GPM6A: variants seen among roughly 807,000 people sequenced by gnomAD.
The protein encoded by GPM6A is glycoprotein M6A.
In GPM6A, 7 loss-of-function variants were observed where a neutral mutation model predicts 32.1. The ratio of observed to expected loss-of-function variants is 0.22; its 90% confidence interval spans 0.12 to 0.41. The LOEUF (loss-of-function observed/expected upper bound fraction) is 0.41, where lower values mean the gene tolerates loss of function less well. Ranked by LOEUF, GPM6A falls within the 10% of genes least tolerant of loss-of-function variation. The probability of loss-of-function intolerance (pLI) is 1.00; values close to 1 mark genes in which losing one functional copy is unlikely to be tolerated. For missense variants in GPM6A, 235 were observed against 347.2 expected (o/e 0.68, Z 2.57); for synonymous variants, 130 against 123.4 (o/e 1.05, Z -0.35).
intron 1 of GPM6A, among the ~76,000 whole-genome samples, chr4:175,826,959 A>C (rs543796357): frequency 1.7e-4 from 26 of 152,314 alleles, no homozygotes; most frequent in Admixed American, 5.2e-4. Flanking sequence ...ACTTCCTCAA[A>C]TACAGAATGA....
At chr4:175,751,213 T>C (rs1446933498) in intron 1 of GPM6A, among the ~76,000 whole-genome samples, 1 of 152,120 alleles carries the variant, frequency 6.6e-6, no homozygotes, top group Non-Finnish European at 1.5e-5. Context: ...TAGCATTTAG[T>C]ATCATAGAGA....
intron 1 of GPM6A, among the ~76,000 whole-genome samples, chr4:175,857,496 C>A (rs1460884490): frequency 2.6e-5 from 4 of 151,892 alleles, no homozygotes; most frequent in Non-Finnish European, 5.9e-5. Context: ...GCATAAAAAT[C>A]AATTAAAAAC....
chr4:175,798,622 T>C (rs1560938946), intron 1 of GPM6A: 1 of 152,206 alleles, frequency 6.6e-6, no homozygotes, highest in Admixed American at 6.5e-5. Flanking sequence ...ACTTTCTAAT[T>C]ATTATATTTC....
At chr4:175,957,143 T>A (rs2126391246) in intron 1 of GPM6A, among the ~76,000 whole-genome samples, 1 of 152,294 alleles carries the variant, frequency 6.6e-6, no homozygotes, top group East Asian at 1.9e-4. Context: ...TGCTCAGGCT[T>A]AAAAGCAGGC....
chr4:175,750,290 T>C (rs1732278447), intron 1 of GPM6A, among the ~76,000 whole-genome samples: 1 of 152,122 alleles, frequency 6.6e-6, no homozygotes. Context: ...ACTCTTGACC[T>C]CAGGTGATCC....
chr4:175,970,628 A>C (rs1740472585), intron 1 of GPM6A, among the ~76,000 whole-genome samples: 1 of 152,204 alleles, frequency 6.6e-6, no homozygotes, highest in African/African-American at 2.4e-5. Flanking sequence ...TTAAAGGGTC[A>C]TATGCAGGGT....
chr4:175,746,224 G>C (rs993572130), intron 1 of GPM6A, among the ~76,000 whole-genome samples: 2 of 152,018 alleles, frequency 1.3e-5, no homozygotes, highest in African/African-American at 4.8e-5. Context: ...GAGAGAATTA[G>C]TATGTGATGG....
chr4:175,831,814 G>C (rs1735624656), intron 1 of GPM6A, among the ~76,000 whole-genome samples: 1 of 137,258 alleles, frequency 7.3e-6, no homozygotes, highest in East Asian at 2.3e-4. Context: ...CTCCTCCTGG[G>C]TTCAAGTGAT....
chr4:175,777,325 C>T (rs938081768), intron 1 of GPM6A, among the ~76,000 whole-genome samples: 2 of 152,138 alleles, frequency 1.3e-5, no homozygotes, highest in African/African-American at 2.4e-5. Context: ...AGAACCTTGG[C>T]ACACCTGTTT....
rs79342292 is a variant in GPM6A, at chr4:175,823,521, G to C, written c.-22-11272C>G. 8.5e-4 allele frequency among the ~76,000 whole-genome samples: 129 copies of C among 152,278 alleles called. 2 individuals are homozygous for C. Among genetic ancestry groups the C allele is most frequent in the African/African-American group, 2.9e-3 (122 of 41,558 alleles). The stretch of plus-strand genomic sequence containing the variant: ...AAATACAACTTTATGCAAAACTAGT[G>C]GCTTGCCATAAGTCCTGAATTTTGA... On this transcript the variant is annotated intron_variant, in intron 1 of 7. Transcript: ENST00000280187.
At chr4:175,733,156 CAAAT>C (rs1158169066) in intron 1 of GPM6A, among the ~76,000 whole-genome samples, 2 of 151,948 alleles carry the variant, frequency 1.3e-5, no homozygotes, top group African/African-American at 2.4e-5. Flanking sequence ...AGATGCAAGA[CAAAT>C]AAATAAATAA....
In GPM6A at chr4:175,859,650, TCTCCCCA is replaced by T. The variant is rs1381851161; in HGVS notation, c.-22-47408_-22-47402del. Among the ~76,000 whole-genome samples the T allele has an allele frequency of 2.0e-5, 3 of 152,090 alleles. No individual in the cohort carries two copies. The East Asian group carries it at 5.8e-4, about 29-fold the overall frequency. ...GAGAAATAATATCTAGACAAGATTC[TCTCCCCA>T]CTCCCCACTCACTTGATTCCTACTT... is the stretch of plus-strand genomic sequence containing the variant. On this transcript the variant is annotated intron_variant, in intron 1 of 7. Coordinates refer to the GPM6A transcript ENST00000280187.
chr4:175,853,473 A>T (rs1339069593), intron 1 of GPM6A, among the ~76,000 whole-genome samples: 1 of 150,480 alleles, frequency 6.6e-6, no homozygotes, highest in Non-Finnish European at 1.5e-5. Flanking sequence ...TGCAACACAA[A>T]TCAGACAATA....
intron 1 of GPM6A, among the ~76,000 whole-genome samples, chr4:175,882,196 G>T (rs930065363): frequency 2.4e-4 from 36 of 152,040 alleles, no homozygotes; most frequent in Admixed American, 2.4e-3. Context: ...CATTGTGCCT[G>T]AGGTAGCGTG....
At chr4:175,933,845 G>A (rs1739137633) in intron 1 of GPM6A, among the ~76,000 whole-genome samples, 1 of 151,998 alleles carries the variant, frequency 6.6e-6, no homozygotes, top group Non-Finnish European at 1.5e-5. Flanking sequence ...CGCCCGGCCA[G>A]AAGTTTTATT....
rs1491118582 is a variant in GPM6A at position 175,636,297 on chromosome 4, T to TATATATATAC, written c.685-1241_685-1240insGTATATATAT. Among the ~76,000 whole-genome samples, 97 of 132,078 alleles carry TATATATATAC rather than the reference T, an allele frequency of 7.3e-4. 1 individual carries two copies. The highest frequency in any genetic ancestry group is 1.9e-3 in the Admixed American group (24 of 12,796). 86.6% of individuals were successfully genotyped at this position (132,078 alleles called of 152,430 possible). ...ATATATATATATATATATATATATA[T>TATATATATAC]ACATATATATATGGATTAAATAAGG... is the stretch of plus-strand genomic sequence containing the variant. On this transcript the variant is annotated intron_variant, in intron 6 of 6. Coordinates refer to ENST00000393658, the MANE Select transcript of GPM6A (RefSeq NM_201591.3).
At chr4:175,949,396 TGCA>T in intron 1 of GPM6A, among the ~76,000 whole-genome samples, 1 of 151,948 alleles carries the variant, frequency 6.6e-6, no homozygotes, top group East Asian at 1.9e-4. Context: ...AACTCTTAAC[TGCA>T]AGTGATCCTC....
At chr4:175,704,321 T>TCACACA (rs112980051) in intron 1 of GPM6A, among the ~76,000 whole-genome samples, 2 of 150,164 alleles carry the variant, frequency 1.3e-5, no homozygotes. Context: ...TCTCTTTCTC[T>TCACACA]CACACACACA....
rs1212348279 is a variant in GPM6A at position 175,673,700 on chromosome 4, C to A, written c.367G>T (p.Gly123Cys). ...LYGDFKITTCGRCVSAWFIML... is the reference protein window; with the variant it reads ...LYGDFKITTCCRCVSAWFIML... ...CATACCCAAGCGCTCACACATCTGCCACAAGTGGTGATTTTGAAATCCCCA... is the reference window on the plus strand; with the variant it reads ...CATACCCAAGCGCTCACACATCTGCAACAAGTGGTGATTTTGAAATCCCCA... The change falls in exon 3 of 7, where the codon GGC (glycine) becomes TGC (cysteine). Residue 123 changes from glycine to cysteine, a missense_variant. Gly to Cys is a radical substitution (Grantham distance 159). Around this residue, in one of 3 missense-constraint regions of GPM6A, gnomAD observed 101 missense variants for 171.2 expected, o/e 0.59. Coordinates refer to ENST00000393658, the MANE Select transcript of GPM6A (RefSeq NM_201591.3). 6.2e-7 allele frequency: 1 copy of A among 1,609,550 alleles called. No individual in the cohort carries two copies. Among genetic ancestry groups the A allele is most frequent in the African/African-American group, 1.3e-5 (1 of 74,858 alleles).
Sources: allele counts gnomAD v4.1 joint callset (sites outside exome capture counted in the v4.1 genomes callset), GRCh38; gene constraint gnomAD v4.1.1; regional missense constraint gnomAD v4.1.1; transcripts MANE v1.5; gene names NCBI Gene and HGNC (gene_info 2026-07-23, HGNC 2026-07-21).